ACP3: variants seen among roughly 807,000 people sequenced by gnomAD.
The protein encoded by ACP3 is acid phosphatase 3, also known as prostatic acid phosphatase.
Under a neutral mutation model 45.6 loss-of-function variants are expected in ACP3, and 38 were observed. That is an observed-to-expected ratio of 0.83 (90% CI 0.64 to 1.09). The LOEUF is 1.09. Ranked by LOEUF, ACP3 falls within the 50% of genes least tolerant of loss-of-function variation. The pLI is 0.00. For synonymous variants in ACP3, 162 were observed against 164.7 expected (o/e 0.98, Z 0.13); for missense variants, 466 against 463.2 (o/e 1.01, Z -0.05).
chr3:132,321,399 C>T (rs892815842), intron 1 of ACP3, among the ~76,000 whole-genome samples: 4 of 152,094 alleles, frequency 2.6e-5, no homozygotes, highest in Admixed American at 1.3e-4. Flanking sequence ...TCACAAACAA[C>T]CTTACATACA....
chr3:132,328,505 C>G (rs1013118699), intron 2 of ACP3, 143 bp downstream of exon 2: 6 of 534,830 alleles, frequency 1.1e-5, no homozygotes, highest in East Asian at 7.5e-5. Flanking sequence ...GTGGTGAAAC[C>G]CTCTCTCTAC....
At position 132,346,330 on chromosome 3, in the gene ACP3, T is replaced by C. The variant is rs1937608449; in HGVS notation, c.781+1271T>C. Among the ~76,000 whole-genome samples, 5 of 152,214 alleles carry C rather than the reference T, an allele frequency of 3.3e-5. No homozygotes were observed. The South Asian group carries it at 8.3e-4, about 25-fold the overall frequency. ...ACCAGGATGGTCAGGAGCAAATTCA[T>C]GTGAGATGAATAAAGTAGGTTGGGG... is the stretch of plus-strand genomic sequence containing the variant. On this transcript the variant is annotated intron_variant, in intron 7 of 9. Coordinates refer to ENST00000336375, the MANE Select transcript of ACP3 (RefSeq NM_001099.5).
intron 2 of ACP3, among the ~76,000 whole-genome samples, chr3:132,329,949 A>G (rs1937370051): frequency 1.6e-5 from 2 of 125,842 alleles, no homozygotes; most frequent in East Asian, 4.5e-4. Context: ...ATGGAGTCTC[A>G]CTCTGTCCCC....
chr3:132,354,137 C>T (rs962475483), intron 9 of ACP3, among the ~76,000 whole-genome samples: 1 of 152,192 alleles, frequency 6.6e-6, no homozygotes, highest in African/African-American at 2.4e-5. Context: ...ACAAGCCCGG[C>T]ACAAGTCTGC....
intron 3 of ACP3, 37 bp from the exon 4 acceptor site, chr3:132,332,155 C>A (rs115862588): frequency 1.2e-6 from 2 of 1,613,526 alleles, no homozygotes; most frequent in African/African-American, 2.7e-5. Flanking sequence ...CTCATGCTCC[C>A]TTTACGTTCG....
rs149966870 is a variant in ACP3, at chr3:132,343,659, G to A, written c.648+1015G>A. On this transcript the variant is annotated intron_variant, in intron 6 of 9. Coordinates refer to ENST00000336375, the MANE Select transcript of ACP3 (RefSeq NM_001099.5). ...ACTCCACTTTGGTCTCCTCTTTCAC[G>A]AACTCACTTTCTCTCACTCTTAATC... Among the ~76,000 whole-genome samples, 498 of 152,076 alleles carry A rather than the reference G, an allele frequency of 3.3e-3. 13 individuals are homozygous for A. The highest frequency in any genetic ancestry group is 0.014 in the Admixed American group (219 of 15,276).
chr3:132,328,494 C>T (rs541693163), intron 2 of ACP3, 132 bp downstream of exon 2: 16 of 574,248 alleles, frequency 2.8e-5, no homozygotes, highest in East Asian at 2.2e-4. Flanking sequence ...GCCTGGCCAA[C>T]GTGGTGAAAC....
In ACP3 at chr3:132,355,486, C is replaced by T. The variant is rs1021584373; in HGVS notation, c.969-1200C>T. On this transcript the variant is annotated intron_variant, in intron 9 of 9. Coordinates refer to ENST00000336375, the MANE Select transcript of ACP3 (RefSeq NM_001099.5). ...TTATAGACATCTTATTTTATTTTATCTTATTTTATTTTATTTTATTTTATT... is the reference window on the plus strand; with the variant it reads ...TTATAGACATCTTATTTTATTTTATTTTATTTTATTTTATTTTATTTTATT... Among the ~76,000 whole-genome samples, 6 of 150,380 alleles carry T rather than the reference C, an allele frequency of 4.0e-5. No individual in the cohort carries two copies. The East Asian group carries it at 5.9e-4, about 15-fold the overall frequency.
Position 132,324,674 on chromosome 3 carries a change from C to T in ACP3, c.121-3593C>T, listed in dbSNP as rs527373353. 5.6e-4 allele frequency among the ~76,000 whole-genome samples: 85 copies of T among 152,234 alleles called. 1 individual carries two copies. In the South Asian group the frequency reaches 9.7e-3, roughly 17 times the overall value. The stretch of plus-strand genomic sequence containing the variant: ...ATTTATTTATTTTGAGACGGAGTCT[C>T]ACTCTGTCACCAGGCTGAAGTGCAG... On this transcript the variant is annotated intron_variant, in intron 1 of 9. Transcript: ENST00000336375.
intron 8 of ACP3, among the ~76,000 whole-genome samples, chr3:132,350,535 A>G (rs117243885): frequency 1.3e-5 from 2 of 152,362 alleles, no homozygotes; most frequent in East Asian, 3.9e-4. Context: ...ATGATTAAGT[A>G]GAATGAAAAA....
intron 5 of ACP3, among the ~76,000 whole-genome samples, chr3:132,340,809 G>A (rs1313125278): frequency 3.9e-5 from 6 of 152,028 alleles, no homozygotes; most frequent in African/African-American, 1.4e-4. Context: ...AATATCTAAA[G>A]GGCTAGTCAT....
chr3:132,368,246 T>C (rs1938162200), exon 11 of ACP3: 1 of 155,936 alleles, frequency 6.4e-6, no homozygotes, highest in Non-Finnish European at 1.4e-5. Flanking sequence ...ACAGGGTGAT[T>C]CTTACGAAAG....
At chr3:132,339,479 C>T (rs1370312411) in intron 5 of ACP3, among the ~76,000 whole-genome samples, 1 of 152,226 alleles carries the variant, frequency 6.6e-6, no homozygotes, top group Non-Finnish European at 1.5e-5. Flanking sequence ...CAACCCGCCA[C>T]CTCAGACACA....
Position 132,331,639 on chromosome 3 carries a change from TCCCA to T in ACP3, c.217-7_217-4del. ...TCATTAATTTTTGCTTTTATTTTTTTCCCATAGCTGGGCATGGAGCAGCATTATG... is the reference window on the plus strand; with the variant it reads ...TCATTAATTTTTGCTTTTATTTTTTTTAGCTGGGCATGGAGCAGCATTATG... On this transcript the variant is annotated splice_region_variant and splice_polypyrimidine_tract_variant and intron_variant, in intron 2 of 9. Coordinates refer to ENST00000336375, the MANE Select transcript of ACP3 (RefSeq NM_001099.5). 3.2e-6 allele frequency: 5 copies of T among 1,573,028 alleles called. No individual in the cohort carries two copies. The South Asian group carries it at 6.0e-5, about 19-fold the overall frequency.
chr3:132,348,996 A>AACACACACACACACACACACACACACAC lies in ACP3; in HGVS notation c.782-922_782-921insACACACACACACACACACACACACACAC, dbSNP rs1559839709. Among the ~76,000 whole-genome samples, 57 of 49,974 alleles carry AACACACACACACACACACACACACACAC rather than the reference A, an allele frequency of 1.1e-3. 1 individual carries two copies. The highest frequency in any genetic ancestry group is 0.038 in the Middle Eastern group (2 of 52). 32.8% of individuals were successfully genotyped at this position (49,974 alleles called of 152,430 possible). ...TTAATATCAATGCCCTGCTCATTACAACTCACACACACACACACCCTAACA... is the reference window on the plus strand; with the variant it reads ...TTAATATCAATGCCCTGCTCATTACAACACACACACACACACACACACACACACACTCACACACACACACACCCTAACA... On this transcript the variant is annotated intron_variant, in intron 7 of 9. Transcript: ENST00000336375.
intron 5 of ACP3, among the ~76,000 whole-genome samples, chr3:132,340,292 GCAA>G (rs1937538301): frequency 7.0e-6 from 1 of 142,398 alleles, no homozygotes; most frequent in Non-Finnish European, 1.5e-5. Flanking sequence ...TCCAGCCTGG[GCAA>G]CAAGAACGAA....
At chr3:132,367,751 C>T (rs777765049) in exon 11 of ACP3, 20 of 1,613,758 alleles carry the variant, frequency 1.2e-5, no homozygotes, top group South Asian at 1.1e-4. Context: ...ATCTGCTGTC[C>T]TAATGGTACT....
chr3:132,344,146 C>T (rs11707236), intron 6 of ACP3, among the ~76,000 whole-genome samples: 72,969 of 151,710 alleles, frequency 0.48, 18,227 homozygotes, highest in Middle Eastern at 0.66. Context: ...GGTGTGGTGG[C>T]GCATGCCTGT....
At position 132,356,968 on chromosome 3, in the gene ACP3, T is replaced by C. The variant is rs1307050245; in HGVS notation, c.*90T>C. 6.8e-7 allele frequency: 1 copy of C among 1,472,352 alleles called. No homozygotes were observed. Among genetic ancestry groups the C allele is most frequent in the African/African-American group, 1.4e-5 (1 of 70,312 alleles). 91.2% of individuals were successfully genotyped at this position (1,472,352 alleles called of 1,614,324 possible). On this transcript the variant is annotated 3_prime_UTR_variant, in exon 10 of 10. Transcript: ENST00000336375. ...CATACTTTGGCCATTACCCCCAGCT[T>C]TGAGGAAAATGGGCTTTGGATGATT...
Sources: gnomAD v4.1 joint callset for allele counts (sites outside exome capture counted in the v4.1 genomes callset) on GRCh38, gnomAD v4.1.1 for gene constraint, MANE v1.5 for transcripts, NCBI Gene and HGNC (gene_info 2026-07-23, HGNC 2026-07-21) for gene names.